The following COL22A1 variants were observed in gnomAD, a reference collection of about 807,000 sequenced individuals.
COL22A1 encodes the protein collagen type XXII alpha 1 chain, also known as collagen alpha-1(XXII) chain.
COL22A1 carries 221 observed loss-of-function variants against 248.9 expected under a neutral mutation model. That is an observed-to-expected ratio of 0.89 (90% CI 0.80 to 0.99). The LOEUF is 0.99. COL22A1 is among the 50% of genes least tolerant of loss of function. The pLI is 0.00. For missense variants in COL22A1, 2,240 were observed against 2,179.0 expected, an observed-to-expected ratio of 1.03 and a Z score of -0.56; for synonymous variants, 891 against 793.4, an observed-to-expected ratio of 1.12 and a Z score of -2.07.
chr8:138,724,793 G>A (rs1389036061), intron 24 of COL22A1, 125 bp from the exon 25 acceptor site: 2 of 842,994 alleles, frequency 2.4e-6, no homozygotes, highest in African/African-American at 1.7e-5. Context: ...GGCCTCTACT[G>A]TCCTTGGTCA....
At chr8:138,777,896 C>A (rs559815777) in intron 15 of COL22A1, 210 of 186,382 alleles carry the variant, frequency 1.1e-3, no homozygotes, top group African/African-American at 4.8e-3. Context: ...CTTTGTTCCT[C>A]ATACACCATA....
chr8:138,619,093 G>A (rs1176746825), intron 53 of COL22A1, among the ~76,000 whole-genome samples: 1 of 151,910 alleles, frequency 6.6e-6, no homozygotes, highest in Non-Finnish European at 1.5e-5. Flanking sequence ...TAGGCTATGA[G>A]AATGGGTTAC....
intron 47 of COL22A1, among the ~76,000 whole-genome samples, chr8:138,642,018 A>G (rs912997348): frequency 6.6e-6 from 1 of 152,220 alleles, no homozygotes; most frequent in Non-Finnish European, 1.5e-5. Context: ...CTGAGTCCTC[A>G]GAGGACACAT....
intron 47 of COL22A1, among the ~76,000 whole-genome samples, chr8:138,643,352 G>A (rs977795383): frequency 9.2e-5 from 14 of 152,154 alleles, no homozygotes; most frequent in South Asian, 2.1e-4. Context: ...CACAGTCCAC[G>A]GGTCATGATC....
intron 9 of COL22A1, among the ~76,000 whole-genome samples, chr8:138,811,272 T>C (rs559983188): frequency 0.019 from 2,803 of 148,714 alleles, 45 homozygotes; most frequent in African/African-American, 0.036. Context: ...TATATATATA[T>C]ACACACACAC....
At chr8:138,703,061 A>G (rs988607408) in intron 31 of COL22A1, among the ~76,000 whole-genome samples, 13 of 152,228 alleles carry the variant, frequency 8.5e-5, no homozygotes, top group African/African-American at 3.1e-4. Flanking sequence ...GCAGATATGT[A>G]TTCTCAGTAT....
chr8:138,633,881 T>C, intron 49 of COL22A1, among the ~76,000 whole-genome samples: 1 of 152,148 alleles, frequency 6.6e-6, no homozygotes, highest in South Asian at 2.1e-4. Context: ...AATGTGCACA[T>C]GGCAGAGTTG....
rs77563305 is a variant in COL22A1, at chr8:138,743,575, G to A, written c.2086-5998C>T. Among the ~76,000 whole-genome samples the A allele has an allele frequency of 2.5e-3, 376 of 152,208 alleles. 2 individuals are homozygous for A. Among genetic ancestry groups the A allele is most frequent in the African/African-American group, 8.5e-3 (354 of 41,520 alleles). ...CTCTAGTAAAGGTAGATGTAGCAGC[G>A]GCTATGTAATCTCTGCAGTTTTGTC... On this transcript the variant is annotated intron_variant, in intron 22 of 64. Coordinates refer to ENST00000303045, the MANE Select transcript of COL22A1 (RefSeq NM_152888.3).
chr8:138,897,938 C>T (rs1460260767), intron 1 of COL22A1, among the ~76,000 whole-genome samples: 1 of 152,060 alleles, frequency 6.6e-6, no homozygotes, highest in African/African-American at 2.4e-5. Context: ...ATCAAGGCAC[C>T]CACAGATTGG....
chr8:138,909,384 T>C (rs1328575124), intron 1 of COL22A1, among the ~76,000 whole-genome samples: 1 of 151,980 alleles, frequency 6.6e-6, no homozygotes, highest in Non-Finnish European at 1.5e-5. Flanking sequence ...CCTTTTTTTT[T>C]TTTTCTTTTT....
At chr8:138,668,395 T>TAC (rs754150343) in intron 41 of COL22A1, among the ~76,000 whole-genome samples, 9 of 151,618 alleles carry the variant, frequency 5.9e-5, no homozygotes, top group East Asian at 1.9e-4. Flanking sequence ...AATTTATATA[T>TAC]ACACACACAC....
chr8:138,628,546 A>T (rs778952955), intron 50 of COL22A1, among the ~76,000 whole-genome samples: 2 of 151,848 alleles, frequency 1.3e-5, no homozygotes, highest in Non-Finnish European at 2.9e-5. Context: ...GAAGAAAAAG[A>T]AAAAAAAATT....
intron 16 of COL22A1, among the ~76,000 whole-genome samples, chr8:138,771,747 C>T (rs74489946): frequency 7.1e-4 from 108 of 152,302 alleles, no homozygotes; most frequent in East Asian, 1.4e-3. Context: ...CACCTTCCAA[C>T]GGCTTCAGAG....
At chr8:138,859,296 G>C (rs1224954722) in intron 3 of COL22A1, among the ~76,000 whole-genome samples, 1 of 152,234 alleles carries the variant, frequency 6.6e-6, no homozygotes, top group East Asian at 1.9e-4. Flanking sequence ...CCAGGAAAGG[G>C]CAAGGAGCTG....
chr8:138,762,783 C>T (rs1833596530), intron 16 of COL22A1, among the ~76,000 whole-genome samples: 1 of 152,108 alleles, frequency 6.6e-6, no homozygotes, highest in African/African-American at 2.4e-5. Context: ...TCAAACAAAG[C>T]CATGGGTGAG....
intron 16 of COL22A1, among the ~76,000 whole-genome samples, chr8:138,770,385 A>G (rs1329214663): frequency 6.6e-6 from 1 of 152,002 alleles, no homozygotes; most frequent in Non-Finnish European, 1.5e-5. Context: ...CGCCACCTGG[A>G]CCTCCTCATG....
chr8:138,731,026 G>A (rs1038975255), intron 23 of COL22A1, among the ~76,000 whole-genome samples: 4 of 152,178 alleles, frequency 2.6e-5, no homozygotes, highest in African/African-American at 9.7e-5. Context: ...TCTAGGCTGG[G>A]CGCATTGGCT....
chr8:138,778,570 T>G (rs1563751926), intron 14 of COL22A1, among the ~76,000 whole-genome samples, 164 bp from the exon 15 acceptor site: 1 of 152,222 alleles, frequency 6.6e-6, no homozygotes, highest in Non-Finnish European at 1.5e-5. Flanking sequence ...AGACACTCCC[T>G]CGACCTCTGC....
At chr8:138,902,634 A>T (rs1259500048) in intron 1 of COL22A1, among the ~76,000 whole-genome samples, 1 of 151,612 alleles carries the variant, frequency 6.6e-6, no homozygotes, top group Non-Finnish European at 1.5e-5. Flanking sequence ...TGAACCTGGG[A>T]GGCAGAGGTT....
Sources: allele counts gnomAD v4.1 joint callset (sites outside exome capture counted in the v4.1 genomes callset), GRCh38; gene constraint gnomAD v4.1.1; transcripts MANE v1.5; gene names NCBI Gene and HGNC (gene_info 2026-07-23, HGNC 2026-07-21).